Variants in UFSP2 observed in about 807,000 individuals in gnomAD.
UFSP2 encodes UFM1 specific peptidase 2.
In UFSP2, 43 loss-of-function variants were observed where a neutral mutation model predicts 60.2. The ratio of observed to expected loss-of-function variants is 0.71; its 90% confidence interval spans 0.56 to 0.92. The LOEUF (loss-of-function observed/expected upper bound fraction) is 0.92, where lower values mean the gene tolerates loss of function less well. Ranked by LOEUF, UFSP2 falls within the 40% of genes least tolerant of loss-of-function variation. The probability of loss-of-function intolerance (pLI) is 0.00; values close to 1 mark genes in which losing one functional copy is unlikely to be tolerated. For missense variants in UFSP2, 520 were observed against 575.0 expected, an observed-to-expected ratio of 0.90 and a Z score of 0.98; for synonymous variants, 183 against 195.1, an observed-to-expected ratio of 0.94 and a Z score of 0.52.
At chr4:185,401,759 G>A (rs1281175509) in intron 11 of UFSP2, among the ~76,000 whole-genome samples, 1 of 152,186 alleles carries the variant, frequency 6.6e-6, no homozygotes, top group Non-Finnish European at 1.5e-5. Context: ...AATAGAACTA[G>A]CAAAGATGGA....
chr4:185,424,542 ACAAT>A (rs1420449782), intron 1 of UFSP2, among the ~76,000 whole-genome samples: 1 of 152,222 alleles, frequency 6.6e-6, no homozygotes, highest in Admixed American at 6.5e-5. Flanking sequence ...TTCTAAGGAA[ACAAT>A]CAAGAAAGTT....
Position 185,399,856 on chromosome 4 carries a change from C to T in UFSP2, c.*536G>A. On this transcript the variant is annotated 3_prime_UTR_variant, in exon 12 of 12. Coordinates refer to ENST00000264689, the MANE Select transcript of UFSP2 (RefSeq NM_018359.5). ...CATTTATTATTCCATTTAATACTGA[C>T]ACTCGTATTTCTAGTAGTATTGTTT... The T allele has an allele frequency of 6.3e-7, 1 of 1,575,726 alleles. No individual in the cohort carries two copies. The highest frequency in any genetic ancestry group is 1.4e-5 in the African/African-American group (1 of 73,864).
chr4:185,408,100 C>G, intron 8 of UFSP2, 40 bp from the exon 9 acceptor site: 6 of 1,601,900 alleles, frequency 3.7e-6, no homozygotes, highest in Non-Finnish European at 5.1e-6. Flanking sequence ...ATACACAAGA[C>G]AGCTATTAAA....
In UFSP2 at chr4:185,415,161, A is replaced by G. The variant is rs2095536123; in HGVS notation, c.678T>C (p.Tyr226=). The part of the protein sequence containing the change: ...SGIPDGQLQA[Y]RKELHDLFNL... Reference sequence around the variant, plus strand: ...ATAGATGAACTGGTTTTACCTTCCTATAGGCCTGCAGCTGGCCATCTGGTA... The same window carrying G: ...ATAGATGAACTGGTTTTACCTTCCTGTAGGCCTGCAGCTGGCCATCTGGTA... Residue 226 remains tyrosine, a synonymous_variant, in exon 6 of 12, where the codon TAT becomes TAC. Transcript: ENST00000264689. 10 of 1,592,752 alleles carry G rather than the reference A, an allele frequency of 6.3e-6. No individual in the cohort carries two copies. Among genetic ancestry groups the G allele is most frequent in the Non-Finnish European group, 8.5e-6 (10 of 1,175,066 alleles).
At chr4:185,425,099 GA>G (rs1189634530) in intron 1 of UFSP2, among the ~76,000 whole-genome samples, 1 of 152,240 alleles carries the variant, frequency 6.6e-6, no homozygotes, top group African/African-American at 2.4e-5. Context: ...AGTGACAACA[GA>G]CAGACATTTA....
At position 185,400,099 on chromosome 4, in the gene UFSP2, T is replaced by C. The variant is rs966370189; in HGVS notation, c.*293A>G. 2 of 1,308,326 alleles carry C rather than the reference T, an allele frequency of 1.5e-6. No homozygotes were observed. The highest frequency in any genetic ancestry group is 1.3e-5 in the South Asian group (1 of 77,392). The allele number at this position is 1,308,326 out of a possible 1,614,324, so 81.0% of individuals were successfully genotyped here. On this transcript the variant is annotated 3_prime_UTR_variant, in exon 12 of 12. Transcript: ENST00000264689. ...AGCTCCTGCTTTTGGCTTTACCATA[T>C]GTTGTGTCTAATCTCCTTCTGAGAA...
Position 185,408,273 on chromosome 4 carries a change from G to GGAATTT in UFSP2, c.993_994insAAATTC (p.Gln331_Gln332insLysPhe). 1 of 1,613,732 alleles carries GGAATTT rather than the reference G, an allele frequency of 6.2e-7. No homozygotes were observed. The highest frequency in any genetic ancestry group is 8.5e-7 in the Non-Finnish European group (1 of 1,179,696). On this transcript the variant is annotated inframe_insertion, in exon 8 of 12. Transcript: ENST00000264689. ...ATTTAAAACGGTATGTTCTGTACCTGCTGAATTTCTCTGTGTGTTGGAATG... is the reference window on the plus strand; with the variant it reads ...ATTTAAAACGGTATGTTCTGTACCTGGAATTTCTGAATTTCTCTGTGTGTTGGAATG...
intron 4 of UFSP2, 84 bp downstream of exon 4, chr4:185,418,357 T>C (rs1217565737): frequency 9.4e-7 from 1 of 1,068,972 alleles, no homozygotes; most frequent in East Asian, 2.5e-5. Flanking sequence ...GATAAGAGGG[T>C]TAAATTATTT....
intron 7 of UFSP2, among the ~76,000 whole-genome samples, chr4:185,412,131 T>C (rs2095530468): frequency 6.6e-6 from 1 of 152,176 alleles, no homozygotes; most frequent in Non-Finnish European, 1.5e-5. Flanking sequence ...TGCTTTACAA[T>C]TTGCATATGT....
chr4:185,402,371 C>G (rs915921497), intron 11 of UFSP2: 1 of 448,056 alleles, frequency 2.2e-6, no homozygotes, highest in Admixed American at 2.5e-5. Context: ...GAAAAAAAAA[C>G]ACTTAAAACT....
chr4:185,406,755 T>C (rs2095521021), intron 9 of UFSP2, among the ~76,000 whole-genome samples: 1 of 151,976 alleles, frequency 6.6e-6, no homozygotes, highest in African/African-American at 2.4e-5. Context: ...TTTATATTTT[T>C]AGTAGAGACA....
At chr4:185,403,699 G>T (rs576022471) in intron 10 of UFSP2, 81 bp from the exon 11 acceptor site, 4 of 1,522,648 alleles carry the variant, frequency 2.6e-6, no homozygotes, top group African/African-American at 2.8e-5. Context: ...GACAGATTAC[G>T]GCCGGGCGTG....
At chr4:185,415,587 G>T in intron 5 of UFSP2, 123 bp downstream of exon 5, 3 of 923,704 alleles carry the variant, frequency 3.2e-6, no homozygotes, top group East Asian at 2.6e-5. Context: ...TTAATAGATG[G>T]CTCTTAGGTT....
In UFSP2 at chr4:185,411,358, T is replaced by C. The variant is rs547287138; in HGVS notation, c.831+2368A>G. Reference sequence around the variant, plus strand: ...CCAAGGAAAGATCATACCACTCTTATATAAACTTCTCTAAAAAACTAAAAA... The same window carrying C: ...CCAAGGAAAGATCATACCACTCTTACATAAACTTCTCTAAAAAACTAAAAA... On this transcript the variant is annotated intron_variant, in intron 7 of 11. Coordinates refer to ENST00000264689, the MANE Select transcript of UFSP2 (RefSeq NM_018359.5). 7.2e-5 allele frequency among the ~76,000 whole-genome samples: 11 copies of C among 152,252 alleles called. No homozygotes were observed. The South Asian group carries it at 2.1e-3, about 29-fold the overall frequency.
At chr4:185,406,101 GCTT>G (rs2095520079) in intron 9 of UFSP2, 1 of 663,360 alleles carries the variant, frequency 1.5e-6, no homozygotes, top group Admixed American at 2.9e-5. Flanking sequence ...TTGATTTTCT[GCTT>G]CTTGAACTGT....
intron 4 of UFSP2, 90 bp from the exon 5 acceptor site, chr4:185,415,957 T>C (rs1382062328): frequency 9.5e-6 from 11 of 1,153,158 alleles, no homozygotes; most frequent in African/African-American, 1.6e-5. Context: ...AATGTATTTA[T>C]TATTAAGAAA....
intron 7 of UFSP2, among the ~76,000 whole-genome samples, chr4:185,409,672 A>G (rs1035854623): frequency 2.0e-5 from 3 of 152,224 alleles, no homozygotes; most frequent in African/African-American, 7.2e-5. Flanking sequence ...AATCCCTGGA[A>G]CTTGTGAATG....
At chr4:185,406,327 C>G (rs1266116067) in intron 9 of UFSP2, among the ~76,000 whole-genome samples, 1 of 152,168 alleles carries the variant, frequency 6.6e-6, no homozygotes, top group Non-Finnish European at 1.5e-5. Context: ...GCCTAAAATA[C>G]ATGTCTGTGA....
At chr4:185,411,059 A>G (rs1372267357) in intron 7 of UFSP2, among the ~76,000 whole-genome samples, 2 of 151,714 alleles carry the variant, frequency 1.3e-5, no homozygotes, top group East Asian at 3.8e-4. Context: ...GAAAGTAAAG[A>G]GCAAAAATTA....
Sources: gnomAD v4.1 joint callset for allele counts (sites outside exome capture counted in the v4.1 genomes callset) on GRCh38, gnomAD v4.1.1 for gene constraint, MANE v1.5 for transcripts, NCBI Gene and HGNC (gene_info 2026-07-23, HGNC 2026-07-21) for gene names.